UMAD1: variants seen among roughly 807,000 people sequenced by gnomAD.
UMAD1 encodes the protein UBAP1-MVB12-associated (UMA) domain containing 1.
UMAD1 carries 8 observed loss-of-function variants against 6.1 expected under a neutral mutation model. That is an observed-to-expected ratio of 1.30 (90% CI 0.76 to 2.35). The LOEUF (loss-of-function observed/expected upper bound fraction) is 2.35, where lower values mean the gene tolerates loss of function less well. UMAD1 is among the 30% of genes most tolerant of loss of function. UMAD1 has a pLI of 0.00. For synonymous variants in UMAD1, 56 were observed against 31.4 expected, an observed-to-expected ratio of 1.78 and a Z score of -2.61; for missense variants, 130 against 78.4, an observed-to-expected ratio of 1.66 and a Z score of -2.49.
chr7:7,755,810 C>T (rs1563181194), intron 2 of UMAD1, among the ~76,000 whole-genome samples: 1 of 152,146 alleles, frequency 6.6e-6, no homozygotes, highest in African/African-American at 2.4e-5. Context: ...GCCACTAGTG[C>T]AAGGCAGACT....
At chr7:7,731,408 AATG>A (rs915217848) in intron 2 of UMAD1, among the ~76,000 whole-genome samples, 74 of 152,020 alleles carry the variant, frequency 4.9e-4, no homozygotes, top group Non-Finnish European at 7.6e-4. Context: ...TTAAGCAAGA[AATG>A]ATGATGTCCT....
intron 2 of UMAD1, among the ~76,000 whole-genome samples, chr7:7,778,457 C>T (rs1313230660): frequency 2.0e-5 from 3 of 149,236 alleles, no homozygotes; most frequent in Non-Finnish European, 3.0e-5. Flanking sequence ...AAAGGCAGGT[C>T]TTGTCACCCA....
At chr7:7,782,196 G>T (rs1782358636) in intron 2 of UMAD1, among the ~76,000 whole-genome samples, 1 of 151,214 alleles carries the variant, frequency 6.6e-6, no homozygotes, top group African/African-American at 2.4e-5. Flanking sequence ...CAATAGCTTG[G>T]GAATAATTTT....
At chr7:7,670,404 C>A (rs1779577116) in intron 1 of UMAD1, among the ~76,000 whole-genome samples, 1 of 152,140 alleles carries the variant, frequency 6.6e-6, no homozygotes, top group African/African-American at 2.4e-5. Context: ...GCACAGTGAA[C>A]AAGGCAAGTC....
chr7:7,876,224 C>T (rs1784416623), intron 3 of UMAD1, among the ~76,000 whole-genome samples: 1 of 152,148 alleles, frequency 6.6e-6, no homozygotes, highest in African/African-American at 2.4e-5. Context: ...GGCCCTGAGG[C>T]AGAAGCAGGC....
intron 3 of UMAD1, among the ~76,000 whole-genome samples, chr7:7,815,319 T>G (rs1194699114): frequency 1.3e-5 from 2 of 152,188 alleles, no homozygotes; most frequent in Non-Finnish European, 2.9e-5. Flanking sequence ...CAGTATCTGA[T>G]GTATACTAGA....
intron 2 of UMAD1, among the ~76,000 whole-genome samples, chr7:7,698,488 G>C (rs1045471547): frequency 1.3e-5 from 2 of 152,156 alleles, no homozygotes; most frequent in African/African-American, 4.8e-5. Flanking sequence ...AGATCCACCT[G>C]ATTTAACAAA....
At chr7:7,863,596 A>T (rs1784157255) in intron 3 of UMAD1, among the ~76,000 whole-genome samples, 1 of 152,118 alleles carries the variant, frequency 6.6e-6, no homozygotes, top group African/African-American at 2.4e-5. Context: ...GGTGTGGTTA[A>T]TGTGCCTTTT....
At chr7:7,680,075 G>T (rs1178861692) in intron 2 of UMAD1, among the ~76,000 whole-genome samples, 1 of 151,900 alleles carries the variant, frequency 6.6e-6, no homozygotes, top group Non-Finnish European at 1.5e-5. Flanking sequence ...TTTTGCTTTG[G>T]TTGCCTGTGC....
At chr7:7,813,539 G>A (rs1177483846) in intron 3 of UMAD1, among the ~76,000 whole-genome samples, 5 of 152,134 alleles carry the variant, frequency 3.3e-5, no homozygotes, top group Middle Eastern at 3.4e-3. Context: ...TGCAGAGGGA[G>A]AAAAGATTGG....
chr7:7,830,023 CT>C lies in UMAD1; in HGVS notation c.156+28284del, dbSNP rs554939813. 1.9e-4 allele frequency among the ~76,000 whole-genome samples: 29 copies of C among 152,248 alleles called. No individual in the cohort carries two copies. The East Asian group carries it at 3.9e-3, about 20-fold the overall frequency. On this transcript the variant is annotated intron_variant, in intron 3 of 3. Transcript: ENST00000682710. This position sits in a 1 kb window ranked among gnomAD's most constrained non-coding sequence, Gnocchi z 5.3. ...TTCCGACAAACCTTCTTCCTTCTGA[CT>C]TTTGCCTTTCTGGTCTATTCTTTAC...
Position 7,671,963 on chromosome 7 carries a change from A to G in UMAD1, c.-63-1346A>G, listed in dbSNP as rs539806654. On this transcript the variant is annotated intron_variant, in intron 1 of 3. Transcript: ENST00000682710. ...TTTTTAAAAGTGAAATCTGCCAGATATGTTTTCTAGCAACCAATAGATTCC... is the reference window on the plus strand; with the variant it reads ...TTTTTAAAAGTGAAATCTGCCAGATGTGTTTTCTAGCAACCAATAGATTCC... 4.6e-5 allele frequency among the ~76,000 whole-genome samples: 7 copies of G among 152,228 alleles called. No homozygotes were observed. The East Asian group carries it at 1.3e-3, about 29-fold the overall frequency.
intron 3 of UMAD1, among the ~76,000 whole-genome samples, chr7:7,858,713 G>C (rs1002764389): frequency 6.6e-6 from 1 of 152,156 alleles, no homozygotes; most frequent in East Asian, 1.9e-4. Context: ...TCACATGGTG[G>C]CCAGGAAGGA....
chr7:7,647,091 C>G (rs1463309887), intron 1 of UMAD1, among the ~76,000 whole-genome samples: 4 of 152,136 alleles, frequency 2.6e-5, no homozygotes, highest in Admixed American at 1.3e-4. Context: ...CTGAAATTAT[C>G]TATTGAGTGT....
At chr7:7,702,813 G>A (rs995070359) in intron 2 of UMAD1, among the ~76,000 whole-genome samples, 2 of 151,920 alleles carry the variant, frequency 1.3e-5, no homozygotes, top group African/African-American at 4.8e-5. Context: ...GTTGTTTTTG[G>A]TTTGCCTTTT....
At chr7:7,852,882 A>G (rs1783944023) in intron 3 of UMAD1, among the ~76,000 whole-genome samples, 1 of 152,244 alleles carries the variant, frequency 6.6e-6, no homozygotes, top group Non-Finnish European at 1.5e-5. Context: ...GGGGAAACCC[A>G]GCAAGACCTG....
In UMAD1 at chr7:7,707,791, A is replaced by G. The variant is rs189350166; in HGVS notation, c.82+34338A>G. On this transcript the variant is annotated intron_variant, in intron 2 of 3. Coordinates refer to ENST00000682710, the MANE Select transcript of UMAD1 (RefSeq NM_001302348.2). ...TCCTTTTCTGTTCAGAAATGTCATT[A>G]ACTTGAAATATAAAGATGCTTTCTA... 1.1e-4 allele frequency among the ~76,000 whole-genome samples: 17 copies of G among 152,340 alleles called. No homozygotes were observed. In the East Asian group the frequency reaches 3.3e-3, roughly 29 times the overall value.
chr7:7,718,712 T>C (rs1780981696), intron 2 of UMAD1: 1 of 152,204 alleles, frequency 6.6e-6, no homozygotes. Flanking sequence ...ATGGCATTTA[T>C]TAAATATGGA....
At chr7:7,694,247 A>T (rs968564987) in intron 2 of UMAD1, among the ~76,000 whole-genome samples, 1 of 152,058 alleles carries the variant, frequency 6.6e-6, no homozygotes, top group African/African-American at 2.4e-5. Context: ...TTTAATTTTT[A>T]TGAGTATATA....
Sources: gnomAD v4.1 joint callset for allele counts (sites outside exome capture counted in the v4.1 genomes callset) on GRCh38, gnomAD v4.1.1 for gene constraint, Gnocchi (gnomAD v3.1) non-coding constraint, MANE v1.5 for transcripts, NCBI Gene and HGNC (gene_info 2026-07-23, HGNC 2026-07-21) for gene names.